Variants in ESRRG observed in about 807,000 individuals in gnomAD.
ESRRG encodes the protein estrogen-related receptor gamma.
Under a neutral mutation model 44.0 loss-of-function variants are expected in ESRRG, and 13 were observed. The observed-to-expected ratio is 0.30, with a 90% CI of 0.19 to 0.47. The LOEUF (loss-of-function observed/expected upper bound fraction) is 0.47, where lower values mean the gene tolerates loss of function less well. Ranked by LOEUF, ESRRG falls within the 20% of genes least tolerant of loss-of-function variation. The pLI, the probability that ESRRG is intolerant of heterozygous loss-of-function variation, is 1.00. For synonymous variants in ESRRG, 215 were observed against 214.6 expected (o/e 1.00, Z -0.02); for missense variants, 395 against 580.6 (o/e 0.68, Z 3.29).
intron 1 of ESRRG, among the ~76,000 whole-genome samples, chr1:217,007,963 A>G (rs1310923378): frequency 6.6e-6 from 1 of 152,198 alleles, no homozygotes; most frequent in African/African-American, 2.4e-5. Context: ...TGATCTATCA[A>G]AGGGATCCAC....
At chr1:217,002,863 G>C (rs2077225825) in intron 1 of ESRRG, among the ~76,000 whole-genome samples, 1 of 152,024 alleles carries the variant, frequency 6.6e-6, no homozygotes, top group South Asian at 2.1e-4. Flanking sequence ...GCAACCCCCT[G>C]GTGACATGCA....
chr1:216,925,722 G>A (rs1308142319), intron 2 of ESRRG, among the ~76,000 whole-genome samples: 2 of 151,816 alleles, frequency 1.3e-5, no homozygotes, highest in Non-Finnish European at 2.9e-5. Context: ...AGGCCGAGGA[G>A]GAAGGATCGC....
chr1:216,854,376 AAAGCAAAG>A, intron 2 of ESRRG, among the ~76,000 whole-genome samples: 1 of 141,430 alleles, frequency 7.1e-6, no homozygotes, highest in South Asian at 2.2e-4. Context: ...AAAAAAAAAA[AAAGCAAAG>A]AAAAAAAAGA....
chr1:216,592,635 G>T (rs935385279), intron 3 of ESRRG, among the ~76,000 whole-genome samples: 1 of 152,080 alleles, frequency 6.6e-6, no homozygotes, highest in South Asian at 2.1e-4. Context: ...CAAGTAGCTG[G>T]GATTACAGGC....
Position 216,504,032 on chromosome 1 carries a change from TG to T in ESRRG, c.*2906del. The T allele has an allele frequency of 6.6e-6, 1 of 152,668 alleles. No homozygotes were observed. Among genetic ancestry groups the T allele is most frequent in the East Asian group, 1.9e-4 (1 of 5,180 alleles). The allele number at this position is 152,668 out of a possible 1,614,324, so 9.5% of individuals were successfully genotyped here. A position where few individuals can be genotyped will look rare whatever the true frequency, so the allele number is the denominator to read the frequency against. ...CCACGTTTTAGTTTTATTTCCTATTTGTGAGATACTTACTCTTTTGTAATGC... is the reference window on the plus strand; with the variant it reads ...CCACGTTTTAGTTTTATTTCCTATTTTGAGATACTTACTCTTTTGTAATGC... On this transcript the variant is annotated 3_prime_UTR_variant, in exon 7 of 7. Coordinates refer to ENST00000408911, the MANE Select transcript of ESRRG (RefSeq NM_001438.4).
chr1:216,681,755 T>G (rs540137873), intron 1 of ESRRG: 1 of 138,436 alleles, frequency 7.2e-6, no homozygotes, highest in Non-Finnish European at 1.5e-5. Flanking sequence ...GGTGTGTATA[T>G]GTGTGCACAT....
intron 2 of ESRRG, among the ~76,000 whole-genome samples, chr1:216,739,966 A>G (rs1190334754): frequency 6.6e-6 from 1 of 152,146 alleles, no homozygotes; most frequent in Non-Finnish European, 1.5e-5. Flanking sequence ...TTGTCTTGTA[A>G]ATGTGGCCAG....
At chr1:217,047,702 G>A (rs919674732) in intron 1 of ESRRG, among the ~76,000 whole-genome samples, 2 of 152,248 alleles carry the variant, frequency 1.3e-5, no homozygotes, top group African/African-American at 4.8e-5. Context: ...GAATGACCAA[G>A]AAGAAAGAAG....
At chr1:216,545,385 C>T (rs1190809235) in intron 5 of ESRRG, among the ~76,000 whole-genome samples, 2 of 151,872 alleles carry the variant, frequency 1.3e-5, no homozygotes, top group African/African-American at 4.8e-5. Context: ...TTCATATAAA[C>T]TTTAAACAAT....
At chr1:216,603,750 G>A (rs2059549147) in intron 3 of ESRRG, among the ~76,000 whole-genome samples, 3 of 151,964 alleles carry the variant, frequency 2.0e-5, no homozygotes, top group South Asian at 2.1e-4. Context: ...CCAACATGGG[G>A]AAACCACGTC....
At chr1:217,008,291 A>G (rs2078046516) in intron 1 of ESRRG, among the ~76,000 whole-genome samples, 2 of 152,230 alleles carry the variant, frequency 1.3e-5, no homozygotes, top group South Asian at 4.1e-4. Context: ...TAGCAGAACT[A>G]AGATCTGGAA....
chr1:216,526,343 G>A (rs941949245), intron 5 of ESRRG, among the ~76,000 whole-genome samples: 28 of 152,216 alleles, frequency 1.8e-4, no homozygotes, highest in African/African-American at 5.8e-4. Context: ...AATGTAATAT[G>A]ACTGTATCTT....
chr1:216,721,489 A>G (rs1238019266), intron 1 of ESRRG, among the ~76,000 whole-genome samples: 1 of 152,230 alleles, frequency 6.6e-6, no homozygotes, highest in African/African-American at 2.4e-5. Flanking sequence ...TTTTTTAAAG[A>G]TGACTTTTAA....
intron 3 of ESRRG, among the ~76,000 whole-genome samples, chr1:216,630,310 T>C (rs2063919229): frequency 1.3e-5 from 2 of 152,188 alleles, no homozygotes; most frequent in Non-Finnish European, 1.5e-5. Context: ...TGAATTATTT[T>C]TCCCTTCAAC....
At chr1:217,100,678 A>G (rs989351636) in intron 1 of ESRRG, among the ~76,000 whole-genome samples, 1 of 152,204 alleles carries the variant, frequency 6.6e-6, no homozygotes, top group African/African-American at 2.4e-5. Flanking sequence ...GAAGCTTACA[A>G]TCATGGCAGA....
At chr1:216,601,079 G>A (rs902186991) in intron 3 of ESRRG, among the ~76,000 whole-genome samples, 1 of 152,192 alleles carries the variant, frequency 6.6e-6, no homozygotes, top group African/African-American at 2.4e-5. Flanking sequence ...AAGCCCGGCA[G>A]CGCGGGCGGC....
chr1:216,912,981 G>C (rs2149613440), intron 2 of ESRRG, among the ~76,000 whole-genome samples: 1 of 151,726 alleles, frequency 6.6e-6, no homozygotes, highest in African/African-American at 2.4e-5. Flanking sequence ...AAATTAGCTG[G>C]GCGTGGTGAC....
chr1:216,624,314 C>T (rs1364724238), intron 3 of ESRRG, among the ~76,000 whole-genome samples: 1 of 152,164 alleles, frequency 6.6e-6, no homozygotes, highest in South Asian at 2.1e-4. Flanking sequence ...AGATACTTAA[C>T]GGTGTCTAAT....
chr1:216,696,520 C>A (rs2151807966), intron 1 of ESRRG, among the ~76,000 whole-genome samples: 1 of 152,216 alleles, frequency 6.6e-6, no homozygotes, highest in African/African-American at 2.4e-5. Context: ...CTTAGTCCTT[C>A]ATAAATGCCC....
Sources: allele counts gnomAD v4.1 joint callset (sites outside exome capture counted in the v4.1 genomes callset), GRCh38; gene constraint gnomAD v4.1.1; transcripts MANE v1.5; gene names NCBI Gene and HGNC (gene_info 2026-07-23, HGNC 2026-07-21).